DMD: variants seen among roughly 807,000 people sequenced by gnomAD.
DMD encodes mutant dystrophin.
A neutral mutation model predicts 330.1 loss-of-function variants in DMD; 63 were observed. That is an observed-to-expected ratio of 0.19 (90% CI 0.16 to 0.24). DMD has a LOEUF of 0.24. DMD is among the 10% of genes least tolerant of loss of function. The probability of loss-of-function intolerance (pLI) is 1.00; values close to 1 mark genes in which losing one functional copy is unlikely to be tolerated. For missense variants in DMD, 3,344 were observed against 2,684.1 expected (o/e 1.25, Z -5.43); for synonymous variants, 1,223 against 959.8 (o/e 1.27, Z -5.07).
intron 11 of DMD, among the ~76,000 whole-genome samples, chrX:32,627,015 G>T (rs763767678): frequency 1.9e-5 from 2 of 104,227 alleles, no homozygotes; most frequent in Non-Finnish European, 3.8e-5. Flanking sequence ...TCAAAATGAC[G>T]TCCCAGCCCC....
At chrX:31,837,489 T>A (rs1333058421) in intron 48 of DMD, among the ~76,000 whole-genome samples, 1 of 112,264 alleles carries the variant, frequency 8.9e-6, no homozygotes, top group Non-Finnish European at 1.9e-5. Flanking sequence ...GCTCTCTTGA[T>A]GAGACGACAA....
intron 25 of DMD, among the ~76,000 whole-genome samples, chrX:32,455,887 T>A (rs1003847826): frequency 9.0e-6 from 1 of 111,228 alleles, no homozygotes; most frequent in Non-Finnish European, 1.9e-5. Context: ...AAACTAAAAC[T>A]TTCTACAATG....
chrX:31,380,069 TAATC>T (rs1377785507), intron 60 of DMD, among the ~76,000 whole-genome samples: 1 of 110,831 alleles, frequency 9.0e-6, no homozygotes, highest in Non-Finnish European at 1.9e-5. Flanking sequence ...GTCCCCTTCT[TAATC>T]AATACGGAGG....
At chrX:33,194,318 G>A (rs1422905512) in intron 1 of DMD, among the ~76,000 whole-genome samples, 1 of 110,201 alleles carries the variant, frequency 9.1e-6, no homozygotes, top group African/African-American at 3.3e-5. Flanking sequence ...CCAGGCAGAA[G>A]AATGCTTATA....
intron 54 of DMD, among the ~76,000 whole-genome samples, chrX:31,653,857 C>A (rs1000128983): frequency 8.1e-5 from 9 of 111,700 alleles, no homozygotes; most frequent in African/African-American, 2.9e-4. Context: ...AGGAAAACAA[C>A]ATATTTTCCT....
At chrX:31,396,736 C>T (rs943564657) in intron 60 of DMD, among the ~76,000 whole-genome samples, 2 of 111,186 alleles carry the variant, frequency 1.8e-5, no homozygotes, top group Non-Finnish European at 3.8e-5. Context: ...GATTAAATAA[C>T]GCATGGGCAT....
intron 37 of DMD, among the ~76,000 whole-genome samples, chrX:32,350,436 T>C (rs775317296): frequency 9.0e-6 from 1 of 111,069 alleles, no homozygotes. Context: ...GTTCTCTTAA[T>C]GGAAGACCAT....
At chrX:32,502,431 C>A (rs2148695691) in intron 18 of DMD, among the ~76,000 whole-genome samples, 1 of 111,569 alleles carries the variant, frequency 9.0e-6, no homozygotes, top group Admixed American at 9.6e-5. Flanking sequence ...TTTCTGAATT[C>A]CTTTATTTCC....
intron 9 of DMD, among the ~76,000 whole-genome samples, chrX:32,652,096 T>C (rs747303541): frequency 3.0e-4 from 33 of 111,716 alleles, no homozygotes; most frequent in Non-Finnish European, 5.8e-4. Context: ...AAAAATCTCA[T>C]TCTATAGCCT....
chrX:32,007,396 C>T (rs1292614855), intron 44 of DMD, among the ~76,000 whole-genome samples: 1 of 109,578 alleles, frequency 9.1e-6, no homozygotes, highest in Non-Finnish European at 1.9e-5. Context: ...TCCCCAGAGC[C>T]TTCAGAGGGA....
At chrX:32,044,881 T>C (rs2096050631) in intron 44 of DMD, among the ~76,000 whole-genome samples, 2 of 112,073 alleles carry the variant, frequency 1.8e-5, no homozygotes, top group African/African-American at 6.5e-5. Flanking sequence ...GGACAGGATG[T>C]TTCGAATGCA....
intron 44 of DMD, among the ~76,000 whole-genome samples, chrX:32,168,419 T>C (rs760521293): frequency 1.2e-4 from 13 of 110,186 alleles, no homozygotes; most frequent in African/African-American, 4.3e-4. Context: ...TCTTATGCTC[T>C]TCCTCTTGAA....
intron 47 of DMD, among the ~76,000 whole-genome samples, chrX:31,879,328 T>A (rs1302287183): frequency 9.1e-6 from 1 of 110,278 alleles, no homozygotes; most frequent in Non-Finnish European, 1.9e-5. Context: ...TCAGATCTTG[T>A]GAAACTTACT....
chrX:32,867,169 TAAAAA>T (rs35927892), intron 2 of DMD, among the ~76,000 whole-genome samples: 2 of 102,393 alleles, frequency 2.0e-5, no homozygotes, highest in African/African-American at 3.5e-5. Context: ...TTGGAGAAGT[TAAAAA>T]AAAAAAAAAG....
chrX:32,118,314 G>A lies in DMD; in HGVS notation c.6438+98602C>T, dbSNP rs188227745. On this transcript the variant is annotated intron_variant, in intron 44 of 78. Transcript: ENST00000357033. ...GATTTTCAATTATGCAGAGAAAAAA[G>A]TGAAATCTCCTGAGCTGGCAGCTCT... 1.3e-4 allele frequency among the ~76,000 whole-genome samples: 15 copies of A among 111,687 alleles called. No homozygotes were observed. The East Asian group carries it at 3.4e-3, about 25-fold the overall frequency.
At chrX:31,838,117 A>G (rs940924643) in intron 48 of DMD, among the ~76,000 whole-genome samples, 1 of 111,772 alleles carries the variant, frequency 8.9e-6, no homozygotes, top group Non-Finnish European at 1.9e-5. Context: ...TAGAGGTAGA[A>G]ATAGCTCTGA....
chrX:32,718,779 G>A (rs781743628), intron 7 of DMD, among the ~76,000 whole-genome samples: 1 of 111,757 alleles, frequency 8.9e-6, no homozygotes, highest in African/African-American at 3.2e-5. Flanking sequence ...TTAAATGAAA[G>A]CCCTGAATTT....
At chrX:31,352,037 T>C (rs935567932) in intron 60 of DMD, among the ~76,000 whole-genome samples, 1 of 111,037 alleles carries the variant, frequency 9.0e-6, no homozygotes, top group Non-Finnish European at 1.9e-5. Flanking sequence ...ATCCTGAAGA[T>C]TAAAGTTGAA....
At chrX:31,262,368 C>A (rs1282469405) in intron 62 of DMD, among the ~76,000 whole-genome samples, 1 of 111,672 alleles carries the variant, frequency 9.0e-6, no homozygotes, top group Non-Finnish European at 1.9e-5. Flanking sequence ...CATGTTATCA[C>A]CTATGTTTAA....
Sources: allele counts gnomAD v4.1 joint callset (sites outside exome capture counted in the v4.1 genomes callset), GRCh38; gene constraint gnomAD v4.1.1; transcripts MANE v1.5; gene names NCBI Gene and HGNC (gene_info 2026-07-23, HGNC 2026-07-21).